SDR42E2: variants seen among roughly 807,000 people sequenced by gnomAD.
The protein encoded by SDR42E2 is putative short-chain dehydrogenase/reductase family 42E member 2.
In SDR42E2, 20 loss-of-function variants were observed where a neutral mutation model predicts 10.5. That is an observed-to-expected ratio of 1.90 (90% CI 1.34 to 2.77). The LOEUF is 2.77. Ranked by LOEUF, SDR42E2 falls within the 30% of genes most tolerant of loss-of-function variation. The pLI is 0.00. For missense variants in SDR42E2, 162 were observed against 104.2 expected (o/e 1.55, Z -2.42); for synonymous variants, 72 against 39.2 (o/e 1.84, Z -3.12).
Position 22,172,286 on chromosome 16 carries a change from A to G in SDR42E2, c.544A>G (p.Ile182Val). The change falls in exon 7 of 13, where the codon ATC (isoleucine) becomes GTC (valine). Residue 182 changes from isoleucine to valine, a missense_variant. Coordinates refer to ENST00000602312, the MANE Select transcript of SDR42E2 (RefSeq NM_001394319.2). ...HVDHYSRTKA[I>V]ADQLTLMANG... Reference sequence around the variant, plus strand: ...AGACCACTACTCCCGAACCAAAGCCATCGCCGACCAATTGACCCTCATGGC... The same window carrying G: ...AGACCACTACTCCCGAACCAAAGCCGTCGCCGACCAATTGACCCTCATGGC... The G allele has an allele frequency of 1.4e-6, 1 of 703,172 alleles. No homozygotes were observed. The allele number at this position is 703,172 out of a possible 1,614,324, so 43.6% of individuals were successfully genotyped here. A position where few individuals can be genotyped will look rare whatever the true frequency, so the allele number is the denominator to read the frequency against.
chr16:22,166,784 A>G, intron 3 of SDR42E2, 120 bp from the exon 4 acceptor site: 1 of 457,050 alleles, frequency 2.2e-6, no homozygotes, highest in Admixed American at 3.4e-5. Flanking sequence ...TCCTGATGCT[A>G]CAGAGGCTTG....
intron 7 of SDR42E2, among the ~76,000 whole-genome samples, chr16:22,175,506 T>G (rs955415957): frequency 6.6e-6 from 1 of 151,400 alleles, no homozygotes; most frequent in Admixed American, 6.6e-5. Context: ...TGCTGGGCTG[T>G]ACTCCCAGAG....
intron 4 of SDR42E2, among the ~76,000 whole-genome samples, chr16:22,167,946 C>T (rs539343575): frequency 1.6e-4 from 25 of 152,240 alleles, no homozygotes; most frequent in East Asian, 7.7e-4. Flanking sequence ...CGAGAAACAC[C>T]GGAAATTTAA....
At chr16:22,175,784 G>A (rs2046639985) in intron 7 of SDR42E2, among the ~76,000 whole-genome samples, 2 of 152,030 alleles carry the variant, frequency 1.3e-5, no homozygotes, top group South Asian at 4.1e-4. Context: ...CCTGAGGTCA[G>A]GCATTCAAGA....
chr16:22,180,728 C>T (rs2046685505), intron 8 of SDR42E2, among the ~76,000 whole-genome samples: 1 of 151,414 alleles, frequency 6.6e-6, no homozygotes, highest in South Asian at 2.1e-4. Context: ...AGGATCTGGC[C>T]CGGCATGGTG....
At chr16:22,181,950 C>T (rs2046699112) in intron 9 of SDR42E2, among the ~76,000 whole-genome samples, 1 of 151,874 alleles carries the variant, frequency 6.6e-6, no homozygotes, top group Non-Finnish European at 1.5e-5. Context: ...TCACAGTAGT[C>T]CAAGAAGGAG....
chr16:22,178,613 T>C (rs990907285), intron 8 of SDR42E2, among the ~76,000 whole-genome samples: 1 of 152,208 alleles, frequency 6.6e-6, no homozygotes, highest in African/African-American at 2.4e-5. Context: ...CAAGGGGCTA[T>C]AGGCCCTGTC....
chr16:22,183,201 C>A (rs1378544662), intron 10 of SDR42E2, among the ~76,000 whole-genome samples: 3 of 152,050 alleles, frequency 2.0e-5, no homozygotes, highest in Non-Finnish European at 4.4e-5. Context: ...CAGCTCACTG[C>A]AACCTCTGCC....
chr16:22,180,465 C>T (rs1182454571), intron 8 of SDR42E2, among the ~76,000 whole-genome samples: 1 of 152,026 alleles, frequency 6.6e-6, no homozygotes, highest in Non-Finnish European at 1.5e-5. Context: ...CTTTGGGAAG[C>T]CGAGGAGGGA....
chr16:22,176,518 A>C (rs893352282), intron 7 of SDR42E2, among the ~76,000 whole-genome samples: 10 of 152,266 alleles, frequency 6.6e-5, no homozygotes, highest in Non-Finnish European at 1.2e-4. Context: ...GGCAATAAAA[A>C]TAAAAGAAAA....
chr16:22,189,794 A>G (rs2142085576), intron 12 of SDR42E2, among the ~76,000 whole-genome samples: 1 of 152,276 alleles, frequency 6.6e-6, no homozygotes, highest in Admixed American at 6.5e-5. Flanking sequence ...AGAATGTATC[A>G]AGGGCCTCCT....
At chr16:22,165,966 G>T (rs530497579) in intron 2 of SDR42E2, among the ~76,000 whole-genome samples, 2 of 146,072 alleles carry the variant, frequency 1.4e-5, no homozygotes, top group Admixed American at 1.4e-4. Flanking sequence ...CCGTACCTGG[G>T]CCAGGAGCTG....
At position 22,190,611 on chromosome 16, in the gene SDR42E2, G is replaced by A; in HGVS notation, c.*218G>A. ...TATCTACTCCCAGACCTTGCCTTGC[G>A]CCCTTCCTGTGTTTTGGCCCCGCCC... On this transcript the variant is annotated 3_prime_UTR_variant, in exon 13 of 13. Coordinates refer to ENST00000602312, the MANE Select transcript of SDR42E2 (RefSeq NM_001394319.2). 2.5e-6 allele frequency: 1 copy of A among 393,492 alleles called. No homozygotes were observed. Among genetic ancestry groups the A allele is most frequent in the Non-Finnish European group, 4.5e-6 (1 of 223,184 alleles). The allele number at this position is 393,492 out of a possible 1,614,324, so 24.4% of individuals were successfully genotyped here. A position where few individuals can be genotyped will look rare whatever the true frequency, so the allele number is the denominator to read the frequency against.
At chr16:22,187,412 T>C (rs2046743530) in intron 12 of SDR42E2, among the ~76,000 whole-genome samples, 1 of 151,450 alleles carries the variant, frequency 6.6e-6, no homozygotes, top group Admixed American at 6.6e-5. Context: ...AGGCCAGGAG[T>C]TTGAGACCAG....
intron 8 of SDR42E2, among the ~76,000 whole-genome samples, chr16:22,179,855 A>T (rs2142074668): frequency 6.6e-6 from 1 of 152,032 alleles, no homozygotes; most frequent in East Asian, 1.9e-4. Flanking sequence ...CTGTGGAGAA[A>T]AGGAAAAAGC....
At chr16:22,169,045 G>A (rs1256250858) in intron 4 of SDR42E2, among the ~76,000 whole-genome samples, 1 of 152,092 alleles carries the variant, frequency 6.6e-6, no homozygotes, top group Non-Finnish European at 1.5e-5. Context: ...CCTCGTGAGG[G>A]CCCAGCCCAT....
intron 12 of SDR42E2, among the ~76,000 whole-genome samples, chr16:22,187,471 G>A (rs1291908703): frequency 1.3e-5 from 2 of 151,854 alleles, no homozygotes. Context: ...TTTAAAATTA[G>A]CCAGGCAAGG....
intron 3 of SDR42E2, 133 bp from the exon 4 acceptor site, chr16:22,166,771 C>T: frequency 2.2e-6 from 1 of 448,752 alleles, no homozygotes; most frequent in Non-Finnish European, 4.0e-6. Flanking sequence ...CCCCACCAGC[C>T]TTTCCTGATG....
chr16:22,172,355 G>A (rs1347917038), intron 7 of SDR42E2, 24 bp downstream of exon 7: 2 of 703,554 alleles, frequency 2.8e-6, no homozygotes, highest in East Asian at 5.4e-5. Flanking sequence ...GGCTCTGCTT[G>A]TACCAAATGC....
Sources: gnomAD v4.1 joint callset for allele counts (sites outside exome capture counted in the v4.1 genomes callset) on GRCh38, gnomAD v4.1.1 for gene constraint, MANE v1.5 for transcripts, NCBI Gene and HGNC (gene_info 2026-07-23, HGNC 2026-07-21) for gene names.